The following PDE8B variants were observed in gnomAD, a reference collection of about 807,000 sequenced individuals.
The protein encoded by PDE8B is phosphodiesterase 8B.
PDE8B carries 26 observed loss-of-function variants against 101.3 expected under a neutral mutation model. The observed-to-expected ratio is 0.26, with a 90% CI of 0.19 to 0.36. The LOEUF is 0.36. PDE8B is among the 10% of genes least tolerant of loss of function. The pLI is 1.00. For synonymous variants in PDE8B, 424 were observed against 429.3 expected (o/e 0.99, Z 0.15); for missense variants, 810 against 1,163.1 (o/e 0.70, Z 4.42).
chr5:77,138,138 C>T, the PDE8B span, among the ~76,000 whole-genome samples: 39 of 152,200 alleles, frequency 2.6e-4, no homozygotes, highest in African/African-American at 9.1e-4. Flanking sequence ...AATACAAGTC[C>T]AAGGGCATTT....
At chr5:77,309,392 T>A (rs1772032311) in intron 1 of PDE8B, among the ~76,000 whole-genome samples, 1 of 152,062 alleles carries the variant, frequency 6.6e-6, no homozygotes, top group Non-Finnish European at 1.5e-5. Flanking sequence ...CCAATGCGAG[T>A]CACTTTTTAT....
rs1032793391 is a variant in PDE8B at position 77,291,264 on chromosome 5, A to G, written c.340-20730A>G. 9 of 1,612,816 alleles carry G rather than the reference A, an allele frequency of 5.6e-6. No homozygotes were observed. In the African/African-American group the frequency reaches 1.2e-4, roughly 22 times the overall value. ...GGCCTACGCACAGATCCGAGTTGGG[A>G]ACCCATGGGACCCTAATGTTCTCTA... On this transcript the variant is annotated intron_variant, in intron 1 of 21. Transcript: ENST00000264917.
At chr5:77,393,386 C>A in intron 10 of PDE8B, among the ~76,000 whole-genome samples, 1 of 101,290 alleles carries the variant, frequency 9.9e-6, no homozygotes, top group East Asian at 3.1e-4. Context: ...CAGAGTGAGA[C>A]TGTCTCCAAA....
the PDE8B span, chr5:77,180,359 G>T: frequency 1.3e-6 from 1 of 785,286 alleles, no homozygotes; most frequent in Admixed American, 6.2e-5. Flanking sequence ...GGGGAGTGGG[G>T]TGCAGGGTGC....
At chr5:77,385,258 C>A (rs59428951) in intron 10 of PDE8B, among the ~76,000 whole-genome samples, 1 of 152,072 alleles carries the variant, frequency 6.6e-6, no homozygotes, top group Non-Finnish European at 1.5e-5. Flanking sequence ...GGTTTATTTG[C>A]GTAGAGGTAT....
chr5:77,136,011 A>G, the PDE8B span, among the ~76,000 whole-genome samples: 76 of 151,958 alleles, frequency 5.0e-4, 1 homozygote, highest in East Asian at 0.013. Context: ...TTTTTCCTCT[A>G]TTGCCCACAT....
At chr5:77,200,956 G>C in the PDE8B span, among the ~76,000 whole-genome samples, 1 of 152,210 alleles carries the variant, frequency 6.6e-6, no homozygotes, top group Non-Finnish European at 1.5e-5. Flanking sequence ...ACCCCAAGAA[G>C]GGAGAGACTT....
chr5:77,109,927 GTTTTTTTTT>G, the PDE8B span, among the ~76,000 whole-genome samples: 6 of 67,234 alleles, frequency 8.9e-5, no homozygotes, highest in Admixed American at 6.7e-4. Flanking sequence ...TTGTATTTCA[GTTTTTTTTT>G]TTTTTTTTTT....
the PDE8B span, chr5:77,165,392 A>G: frequency 1.3e-5 from 2 of 152,244 alleles, no homozygotes; most frequent in African/African-American, 2.4e-5. Flanking sequence ...CTGCTTCAGC[A>G]TAGCACTGGG....
chr5:77,153,601 G>A, the PDE8B span, among the ~76,000 whole-genome samples: 1 of 143,538 alleles, frequency 7.0e-6, no homozygotes, highest in East Asian at 2.0e-4. Flanking sequence ...TTGAGACGGA[G>A]TCTCACTCTG....
intron 1 of PDE8B, among the ~76,000 whole-genome samples, chr5:77,270,774 G>C (rs929751056): frequency 6.6e-6 from 1 of 152,204 alleles, no homozygotes; most frequent in African/African-American, 2.4e-5. Context: ...CTTCCTTCTG[G>C]GAAGAAGCAG....
chr5:77,129,774 GT>G, the PDE8B span, among the ~76,000 whole-genome samples: 2 of 152,290 alleles, frequency 1.3e-5, no homozygotes, highest in East Asian at 3.9e-4. Flanking sequence ...ATTACTGTCT[GT>G]AGTGTTTCGC....
chr5:77,305,729 G>A (rs944571518), intron 1 of PDE8B, among the ~76,000 whole-genome samples: 9 of 152,314 alleles, frequency 5.9e-5, no homozygotes, highest in African/African-American at 2.2e-4. Context: ...TGAGAATGGA[G>A]GGTGGACAGG....
chr5:77,187,147 G>C, the PDE8B span, among the ~76,000 whole-genome samples: 3 of 152,170 alleles, frequency 2.0e-5, no homozygotes, highest in African/African-American at 4.8e-5. Flanking sequence ...TAGTTTACTT[G>C]CTGGCTAAGA....
intron 10 of PDE8B, among the ~76,000 whole-genome samples, chr5:77,398,292 T>C (rs1791499242): frequency 6.6e-6 from 1 of 150,912 alleles, no homozygotes; most frequent in Admixed American, 6.6e-5. Flanking sequence ...TTTTTCCTAA[T>C]TGTAATTCCT....
the PDE8B span, among the ~76,000 whole-genome samples, chr5:77,159,759 A>G: frequency 3.3e-5 from 5 of 152,166 alleles, no homozygotes; most frequent in Admixed American, 2.0e-4. Context: ...ACACTGGCTA[A>G]TGTGCTGCAG....
the PDE8B span, among the ~76,000 whole-genome samples, chr5:77,125,359 G>T: frequency 6.6e-6 from 1 of 152,158 alleles, no homozygotes; most frequent in East Asian, 1.9e-4. Context: ...GTGCATTGCT[G>T]GTGGGAATAT....
At chr5:77,173,076 A>G in the PDE8B span, among the ~76,000 whole-genome samples, 1 of 152,166 alleles carries the variant, frequency 6.6e-6, no homozygotes, top group Non-Finnish European at 1.5e-5. Flanking sequence ...CAGTGAACAC[A>G]CTTGGAGGGT....
At chr5:77,424,050 T>A (rs1236339335) in intron 20 of PDE8B, among the ~76,000 whole-genome samples, 1 of 152,050 alleles carries the variant, frequency 6.6e-6, no homozygotes, top group Non-Finnish European at 1.5e-5. Flanking sequence ...GCCTCTGAAT[T>A]GAAGAAAAGT....
Sources: gnomAD v4.1 joint callset for allele counts (sites outside exome capture counted in the v4.1 genomes callset) on GRCh38, gnomAD v4.1.1 for gene constraint, MANE v1.5 for transcripts, NCBI Gene and HGNC (gene_info 2026-07-23, HGNC 2026-07-21) for gene names.